ABHD6: variants seen among roughly 807,000 people sequenced by gnomAD.
ABHD6 encodes the protein monoacylglycerol lipase ABHD6.
Under a neutral mutation model 38.8 loss-of-function variants are expected in ABHD6, and 33 were observed. That is an observed-to-expected ratio of 0.85 (90% CI 0.64 to 1.14). The LOEUF (loss-of-function observed/expected upper bound fraction) is 1.14. ABHD6 is among the 50% of genes most tolerant of loss of function. The pLI, the probability that ABHD6 is intolerant of heterozygous loss-of-function variation, is 0.00. For missense variants in ABHD6, 380 were observed against 422.6 expected, an observed-to-expected ratio of 0.90 and a Z score of 0.88; for synonymous variants, 147 against 161.6, an observed-to-expected ratio of 0.91 and a Z score of 0.69.
At chr3:58,239,111 TCCCCCAACCGCC>T (rs780156047) in intron 1 of ABHD6, among the ~76,000 whole-genome samples, 49 of 151,010 alleles carry the variant, frequency 3.2e-4, no homozygotes, top group Non-Finnish European at 6.2e-4. Flanking sequence ...ACCACCCCCT[TCCCCCAACCGCC>T]CCCCCAACCC....
Position 58,293,887 on chromosome 3 carries a change from G to T in ABHD6, c.*122G>T. 1 of 1,123,366 alleles carries T rather than the reference G, an allele frequency of 8.9e-7. No homozygotes were observed. Among genetic ancestry groups the T allele is most frequent in the Non-Finnish European group, 1.2e-6 (1 of 807,054 alleles). 69.6% of individuals were successfully genotyped at this position (1,123,366 alleles called of 1,614,324 possible). A position where few individuals can be genotyped will look rare whatever the true frequency, so the allele number is the denominator to read the frequency against. On this transcript the variant is annotated 3_prime_UTR_variant, in exon 10 of 10. Transcript: ENST00000478253. This position sits in a 1 kb window ranked among gnomAD's most constrained non-coding sequence, Gnocchi z 4.4. Reference sequence around the variant, plus strand: ...TCGGAGCGCCAGTGACCCTGAGGAAGCCCGTCCCTTATCCCTGGTATCCAC... The same window carrying T: ...TCGGAGCGCCAGTGACCCTGAGGAATCCCGTCCCTTATCCCTGGTATCCAC...
At chr3:58,277,494 G>T (rs2097449620) in intron 7 of ABHD6, among the ~76,000 whole-genome samples, 1 of 152,176 alleles carries the variant, frequency 6.6e-6, no homozygotes, top group African/African-American at 2.4e-5. Flanking sequence ...TTGCTTATCA[G>T]CTTAAGGAGA....
In ABHD6 at chr3:58,267,426, A is replaced by G; in HGVS notation, c.276+81A>G. ...ATGCCTATAATCCCAGCACTTTGGG[A>G]GCCTGAGGCAGGAGGATTGCTTGAG... On this transcript the variant is annotated intron_variant, in intron 4 of 9. Transcript: ENST00000478253. The surrounding 1 kb of genome is among the most constrained non-coding windows in gnomAD (Gnocchi z 4.3). 1 of 1,543,750 alleles carries G rather than the reference A, an allele frequency of 6.5e-7. No individual in the cohort carries two copies. Among genetic ancestry groups the G allele is most frequent in the East Asian group, 2.3e-5 (1 of 42,926 alleles).
Position 58,269,075 on chromosome 3 carries a change from T to G in ABHD6, c.277-246T>G, listed in dbSNP as rs2097442927. Among the ~76,000 whole-genome samples the G allele has an allele frequency of 6.6e-6, 1 of 152,192 alleles. No individual in the cohort carries two copies. The highest frequency in any genetic ancestry group is 6.5e-5 in the Admixed American group (1 of 15,276). ...AGACTTAAGCCTGCTGCCCCGACTT[T>G]GTCCCCTTTTTACAGGCATCTCCTG... On this transcript the variant is annotated intron_variant, in intron 4 of 9. Transcript: ENST00000478253. This position sits in a 1 kb window ranked among gnomAD's most constrained non-coding sequence, Gnocchi z 4.4.
At position 58,267,430 on chromosome 3, in the gene ABHD6, T is replaced by A; in HGVS notation, c.276+85T>A. 1.3e-6 allele frequency: 2 copies of A among 1,532,944 alleles called. No individual in the cohort carries two copies. The highest frequency in any genetic ancestry group is 1.8e-6 in the Non-Finnish European group (2 of 1,121,702). 95.0% of individuals were successfully genotyped at this position (1,532,944 alleles called of 1,614,324 possible). ...CTATAATCCCAGCACTTTGGGAGCC[T>A]GAGGCAGGAGGATTGCTTGAGTCCA... On this transcript the variant is annotated intron_variant, in intron 4 of 9. Transcript: ENST00000478253. This position sits in a 1 kb window ranked among gnomAD's most constrained non-coding sequence, Gnocchi z 4.3.
At position 58,290,052 on chromosome 3, in the gene ABHD6, A is replaced by C. The variant is rs866730678; in HGVS notation, c.838-3537A>C. 2.6e-3 allele frequency among the ~76,000 whole-genome samples: 195 copies of C among 74,256 alleles called. 5 individuals carry two copies. Among genetic ancestry groups the C allele is most frequent in the African/African-American group, 0.011 (189 of 16,576 alleles). 48.7% of individuals were successfully genotyped at this position (74,256 alleles called of 152,430 possible). On this transcript the variant is annotated intron_variant, in intron 9 of 9. Transcript: ENST00000478253. The stretch of plus-strand genomic sequence containing the variant: ...GGCCGGGCGGGGGGCTGACATCCCC[A>C]CCTCCCTCCCGGACGGGGCGGCTGG...
chr3:58,278,221 T>C (rs1320288812), intron 7 of ABHD6, among the ~76,000 whole-genome samples: 1 of 152,224 alleles, frequency 6.6e-6, no homozygotes, highest in Non-Finnish European at 1.5e-5. Context: ...CCTGTAAATC[T>C]GTCTGGTCCT....
rs745340294 is a variant in ABHD6 at position 58,285,157 on chromosome 3, C to T, written c.736+18C>T. 2 of 1,612,626 alleles carry T rather than the reference C, an allele frequency of 1.2e-6. No individual in the cohort carries two copies. Among genetic ancestry groups the T allele is most frequent in the East Asian group, 2.2e-5 (1 of 44,878 alleles). ...CCGAAAGTGTAAGTAGCCCTACTTT[C>T]AGCTTGGAGCTTGTTACAAGTGAAG... On this transcript the variant is annotated intron_variant, in intron 8 of 9. Transcript: ENST00000478253. The surrounding 1 kb of genome is among the most constrained non-coding windows in gnomAD (Gnocchi z 4.9).
chr3:58,270,076 C>G (rs1402419640), intron 5 of ABHD6, among the ~76,000 whole-genome samples: 1 of 152,122 alleles, frequency 6.6e-6, no homozygotes, highest in Admixed American at 6.5e-5. Flanking sequence ...GTTTCCTGTA[C>G]ATAATAGATA....
At position 58,263,785 on chromosome 3, in the gene ABHD6, T is replaced by A. The variant is rs1260323579; in HGVS notation, c.120-3404T>A. 6.6e-6 allele frequency among the ~76,000 whole-genome samples: 1 copy of A among 152,024 alleles called. No homozygotes were observed. Among genetic ancestry groups the A allele is most frequent in the Non-Finnish European group, 1.5e-5 (1 of 68,004 alleles). ...AGAGTTATAGAGAATTTGATGATTA[T>A]AAAAACGTAACCCATTCGAGCCCCA... On this transcript the variant is annotated intron_variant, in intron 3 of 9. Coordinates refer to ENST00000478253, the MANE Select transcript of ABHD6 (RefSeq NM_001320126.2). This position sits in a 1 kb window ranked among gnomAD's most constrained non-coding sequence, Gnocchi z 4.9.
At chr3:58,241,995 G>A (rs1406402315) in intron 1 of ABHD6, among the ~76,000 whole-genome samples, 1 of 152,198 alleles carries the variant, frequency 6.6e-6, no homozygotes, top group Non-Finnish European at 1.5e-5. Flanking sequence ...CCAGGTTGTT[G>A]AGCTGCAAAA....
At chr3:58,245,386 G>C (rs1048628430) in intron 1 of ABHD6, among the ~76,000 whole-genome samples, 1 of 151,922 alleles carries the variant, frequency 6.6e-6, no homozygotes, top group Non-Finnish European at 1.5e-5. Context: ...GGCTGGTCTC[G>C]AACTCCTGAC....
At chr3:58,291,541 G>A (rs2097462995) in intron 9 of ABHD6, among the ~76,000 whole-genome samples, 2 of 152,114 alleles carry the variant, frequency 1.3e-5, no homozygotes, top group South Asian at 4.1e-4. Flanking sequence ...TTATAGGTGT[G>A]AGCCACCACA....
In ABHD6 at chr3:58,269,755, G is replaced by T. The variant is rs1291615132; in HGVS notation, c.390+321G>T. On this transcript the variant is annotated intron_variant, in intron 5 of 9. Coordinates refer to ENST00000478253, the MANE Select transcript of ABHD6 (RefSeq NM_001320126.2). This position sits in a 1 kb window ranked among gnomAD's most constrained non-coding sequence, Gnocchi z 4.4. Reference sequence around the variant, plus strand: ...TAGGGATCTCTCTTTCTGCTCACCAGTTATATGATAACAGTAATAGCCCCT... The same window carrying T: ...TAGGGATCTCTCTTTCTGCTCACCATTTATATGATAACAGTAATAGCCCCT... Among the ~76,000 whole-genome samples the T allele has an allele frequency of 6.6e-6, 1 of 152,196 alleles. No individual in the cohort carries two copies. The highest frequency in any genetic ancestry group is 1.5e-5 in the Non-Finnish European group (1 of 68,022).
At position 58,256,226 on chromosome 3, in the gene ABHD6, C is replaced by G. The variant is rs1207317158; in HGVS notation, c.-25-336C>G. Among the ~76,000 whole-genome samples, 1 of 152,160 alleles carries G rather than the reference C, an allele frequency of 6.6e-6. No homozygotes were observed. The highest frequency in any genetic ancestry group is 1.5e-5 in the Non-Finnish European group (1 of 68,040). On this transcript the variant is annotated intron_variant, in intron 2 of 9. Transcript: ENST00000478253. This position sits in a 1 kb window ranked among gnomAD's most constrained non-coding sequence, Gnocchi z 4.3. ...AAAAGGGAAGATATTCTCCTACATA[C>G]ATACATAATCACAATTTCATCATCA...
chr3:58,285,326 C>G lies in ABHD6; in HGVS notation c.737-27C>G. 6.2e-7 allele frequency: 1 copy of G among 1,607,684 alleles called. No homozygotes were observed. Among genetic ancestry groups the G allele is most frequent in the Non-Finnish European group, 8.5e-7 (1 of 1,174,136 alleles). On this transcript the variant is annotated intron_variant, in intron 8 of 9. Transcript: ENST00000478253. This position sits in a 1 kb window ranked among gnomAD's most constrained non-coding sequence, Gnocchi z 4.9. ...TGCCACAGGCACAGTCCAGCACATA[C>G]TCACTTTGTTTTCCTTTTCTGACAA...
chr3:58,273,740 G>A lies in ABHD6; in HGVS notation c.524-918G>A, dbSNP rs1452058824. Among the ~76,000 whole-genome samples the A allele has an allele frequency of 6.6e-6, 1 of 152,132 alleles. No individual in the cohort carries two copies. Among genetic ancestry groups the A allele is most frequent in the African/African-American group, 2.4e-5 (1 of 41,424 alleles). On this transcript the variant is annotated intron_variant, in intron 6 of 9. Coordinates refer to ENST00000478253, the MANE Select transcript of ABHD6 (RefSeq NM_001320126.2). The surrounding 1 kb of genome is among the most constrained non-coding windows in gnomAD (Gnocchi z 4.8). ...GGCCTGTCAGAGGGTGGAGGTCACAGGGAGGGAGAGCATTAGGACAAATGC... is the reference window on the plus strand; with the variant it reads ...GGCCTGTCAGAGGGTGGAGGTCACAAGGAGGGAGAGCATTAGGACAAATGC...
At position 58,293,238 on chromosome 3, in the gene ABHD6, C is replaced by T. The variant is rs1018297549; in HGVS notation, c.838-351C>T. On this transcript the variant is annotated intron_variant, in intron 9 of 9. Coordinates refer to ENST00000478253, the MANE Select transcript of ABHD6 (RefSeq NM_001320126.2). This position sits in a 1 kb window ranked among gnomAD's most constrained non-coding sequence, Gnocchi z 4.4. ...GCTCCTCCCCTGTCCCCTTTCTGCT[C>T]TCCCGGGACTCAGGAACGAGGTCTT... Among the ~76,000 whole-genome samples, 3 of 152,160 alleles carry T rather than the reference C, an allele frequency of 2.0e-5. No homozygotes were observed.
chr3:58,272,005 C>G lies in ABHD6; in HGVS notation c.523+941C>G, dbSNP rs569862150. Among the ~76,000 whole-genome samples, 56 of 152,168 alleles carry G rather than the reference C, an allele frequency of 3.7e-4. No individual in the cohort carries two copies. In the South Asian group the frequency reaches 0.011, roughly 29 times the overall value. On this transcript the variant is annotated intron_variant, in intron 6 of 9. Transcript: ENST00000478253. The stretch of plus-strand genomic sequence containing the variant: ...AACTTGAATCCTGTTGGCTAGGATC[C>G]TGTTGGCCTGAGTCCCTTGAACTCC...
Sources: allele counts gnomAD v4.1 joint callset (sites outside exome capture counted in the v4.1 genomes callset), GRCh38; gene constraint gnomAD v4.1.1; non-coding constraint Gnocchi (gnomAD v3.1); transcripts MANE v1.5; gene names NCBI Gene and HGNC (gene_info 2026-07-23, HGNC 2026-07-21).